Variants in SAMD4A observed in about 807,000 individuals in gnomAD.
The protein encoded by SAMD4A is protein Smaug homolog 1.
Under a neutral mutation model 81.3 loss-of-function variants are expected in SAMD4A, and 33 were observed. That is an observed-to-expected ratio of 0.41 (90% CI 0.31 to 0.54). The LOEUF (loss-of-function observed/expected upper bound fraction) is 0.54. Among genes scored for constraint, SAMD4A ranks in the 20% least tolerant of loss-of-function variants. The probability of loss-of-function intolerance (pLI) is 0.37; values close to 1 mark genes in which losing one functional copy is unlikely to be tolerated. For missense variants in SAMD4A, 854 were observed against 951.1 expected (o/e 0.90, Z 1.34); for synonymous variants, 389 against 382.1 (o/e 1.02, Z -0.21).
chr14:54,596,375 A>G (rs930468833), intron 2 of SAMD4A, among the ~76,000 whole-genome samples: 14 of 152,214 alleles, frequency 9.2e-5, no homozygotes, highest in Non-Finnish European at 1.8e-4. Flanking sequence ...ACCTGAGGTC[A>G]GGAGTTCGAG....
Position 54,774,834 on chromosome 14 carries a change from AAT to A in SAMD4A, c.1716-99_1716-98del, listed in dbSNP as rs1187634312. ...GACTCAAAAAAAAAAAAAAAAAAAA[AAT>A]GAGGAGACCTCCAAGGCGACATCCC... On this transcript the variant is annotated intron_variant, in intron 9 of 12. Coordinates refer to ENST00000554335, the MANE Select transcript of SAMD4A (RefSeq NM_015589.6). 164 of 991,452 alleles carry A rather than the reference AAT, an allele frequency of 1.7e-4. No individual in the cohort carries two copies. In the East Asian group the frequency reaches 3.2e-3, roughly 19 times the overall value. The allele number at this position is 991,452 out of a possible 1,614,324, so 61.4% of individuals were successfully genotyped here.
intron 2 of SAMD4A, among the ~76,000 whole-genome samples, chr14:54,612,233 A>T (rs997869128): frequency 1.3e-5 from 2 of 152,180 alleles, no homozygotes; most frequent in Non-Finnish European, 2.9e-5. Flanking sequence ...TTTAAGTTGT[A>T]TATAGTTAGC....
intron 2 of SAMD4A, among the ~76,000 whole-genome samples, chr14:54,675,367 CAAA>C (rs59110762): frequency 0.056 from 4,240 of 75,434 alleles, 324 homozygotes; most frequent in African/African-American, 0.19. Flanking sequence ...ACTCCGTCTC[CAAA>C]AAAAAAAAAA....
At chr14:54,769,360 A>T (rs1031478250) in intron 8 of SAMD4A, among the ~76,000 whole-genome samples, 1 of 152,058 alleles carries the variant, frequency 6.6e-6, no homozygotes, top group Non-Finnish European at 1.5e-5. Context: ...TGCCTTGGAG[A>T]CTCCTAACCC....
rs11421330 is a variant in SAMD4A at position 54,792,463 on chromosome 14, T to TG, written c.*3519_*3520insG. On this transcript the variant is annotated 3_prime_UTR_variant, in exon 13 of 13. Coordinates refer to ENST00000554335, the MANE Select transcript of SAMD4A (RefSeq NM_015589.6). ...TACTGCCGGTGCAAGGTTGTAGATG[T>TG]TATTCCCCAGGAGCCTGGGCTTGGG... 3,451 of 152,336 alleles carry TG rather than the reference T, an allele frequency of 0.023. 110 individuals are homozygous for TG. Among genetic ancestry groups the TG allele is most frequent in the African/African-American group, 0.078 (3,247 of 41,526 alleles). 9.4% of individuals were successfully genotyped at this position (152,336 alleles called of 1,614,324 possible). A position where few individuals can be genotyped will look rare whatever the true frequency, so the allele number is the denominator to read the frequency against.
intron 2 of SAMD4A, among the ~76,000 whole-genome samples, chr14:54,691,485 T>C (rs1369011195): frequency 6.7e-6 from 1 of 149,504 alleles, no homozygotes; most frequent in East Asian, 2.0e-4. Context: ...ACCATCATCC[T>C]TCCTACCTTT....
chr14:54,624,262 C>G (rs140316823), intron 2 of SAMD4A, among the ~76,000 whole-genome samples: 1 of 152,258 alleles, frequency 6.6e-6, no homozygotes, highest in Non-Finnish European at 1.5e-5. Flanking sequence ...CGCAAGCCAC[C>G]GCGCCCGGCC....
intron 3 of SAMD4A, among the ~76,000 whole-genome samples, chr14:54,706,046 G>A (rs61976983): frequency 0.059 from 9,047 of 152,112 alleles, 367 homozygotes; most frequent in Non-Finnish European, 0.084. Context: ...TTGTGAACTG[G>A]AGGGTCAAGA....
chr14:54,592,868 G>T (rs865881391), intron 2 of SAMD4A, among the ~76,000 whole-genome samples: 1 of 152,110 alleles, frequency 6.6e-6, no homozygotes, highest in Non-Finnish European at 1.5e-5. Flanking sequence ...TTCCTTCTAG[G>T]CCGTCATCTT....
At chr14:54,580,265 G>T (rs2033425655) in intron 2 of SAMD4A, among the ~76,000 whole-genome samples, 1 of 152,098 alleles carries the variant, frequency 6.6e-6, no homozygotes, top group African/African-American at 2.4e-5. Flanking sequence ...GGAAATGAGA[G>T]AGGCTCTATT....
rs186587393 is a variant in SAMD4A at position 54,596,781 on chromosome 14, A to G, written c.196+28669A>G. Among the ~76,000 whole-genome samples, 252 of 152,174 alleles carry G rather than the reference A, an allele frequency of 1.7e-3. 4 individuals carry two copies. The highest frequency in any genetic ancestry group is 4.0e-4 in the Non-Finnish European group (27 of 67,992). On this transcript the variant is annotated intron_variant, in intron 2 of 12. Transcript: ENST00000554335. The stretch of plus-strand genomic sequence containing the variant: ...CCCAAATGAACCCCAGGGAACCACG[A>G]GATGTAGTCTGAAGGGGCAGCCTCC...
chr14:54,575,224 G>C (rs965977562), intron 2 of SAMD4A, among the ~76,000 whole-genome samples: 1 of 152,128 alleles, frequency 6.6e-6, no homozygotes, highest in African/African-American at 2.4e-5. Context: ...AAAGACATTG[G>C]TCGACAAAGC....
At chr14:54,783,826 C>T (rs2039065056) in intron 11 of SAMD4A, among the ~76,000 whole-genome samples, 1 of 152,240 alleles carries the variant, frequency 6.6e-6, no homozygotes, top group Admixed American at 6.5e-5. Context: ...TGGGCCCTGG[C>T]TTTCCTCTCC....
intron 3 of SAMD4A, among the ~76,000 whole-genome samples, chr14:54,731,141 C>T (rs1335233535): frequency 6.6e-6 from 1 of 152,156 alleles, no homozygotes; most frequent in Admixed American, 6.6e-5. Flanking sequence ...ACAAAATGAA[C>T]AGAAACACCC....
intron 4 of SAMD4A, 143 bp from the exon 5 acceptor site, chr14:54,748,672 C>T (rs892521097): frequency 3.3e-6 from 2 of 612,238 alleles, no homozygotes; most frequent in Non-Finnish European, 5.8e-6. Flanking sequence ...AAATTAAATA[C>T]ATAGTAACAT....
intron 2 of SAMD4A, among the ~76,000 whole-genome samples, chr14:54,669,029 G>A (rs1036147452): frequency 6.6e-6 from 1 of 152,244 alleles, no homozygotes; most frequent in Non-Finnish European, 1.5e-5. Flanking sequence ...ATTTAGGTTA[G>A]GCTACCATGC....
intron 2 of SAMD4A, among the ~76,000 whole-genome samples, chr14:54,679,092 G>A (rs1407889186): frequency 2.0e-5 from 3 of 152,252 alleles, no homozygotes; most frequent in Admixed American, 1.3e-4. Flanking sequence ...GTTTATGACA[G>A]ACTAGTAGGA....
chr14:54,671,039 C>G (rs1025561745), intron 2 of SAMD4A, among the ~76,000 whole-genome samples: 1 of 151,906 alleles, frequency 6.6e-6, no homozygotes, highest in African/African-American at 2.4e-5. Context: ...TGAGGGGACC[C>G]AAGTTGAATC....
intron 7 of SAMD4A, among the ~76,000 whole-genome samples, chr14:54,761,060 C>T (rs567646498): frequency 2.6e-4 from 40 of 152,318 alleles, no homozygotes; most frequent in African/African-American, 8.2e-4. Context: ...CTCATTCTCC[C>T]GTGTCTGCGT....
Sources: allele counts gnomAD v4.1 joint callset (sites outside exome capture counted in the v4.1 genomes callset), GRCh38; gene constraint gnomAD v4.1.1; transcripts MANE v1.5; gene names NCBI Gene and HGNC (gene_info 2026-07-23, HGNC 2026-07-21).